Variants in MAP4K4 observed in about 807,000 individuals in gnomAD.
MAP4K4 encodes the protein HPK/GCK-like kinase HGK.
Under a neutral mutation model 189.6 loss-of-function variants are expected in MAP4K4, and 38 were observed. That is an observed-to-expected ratio of 0.20 (90% CI 0.15 to 0.26). The LOEUF is 0.26. Ranked by LOEUF, MAP4K4 falls within the 10% of genes least tolerant of loss-of-function variation. The pLI is 1.00. For synonymous variants in MAP4K4, 610 were observed against 624.3 expected, an observed-to-expected ratio of 0.98 and a Z score of 0.34; for missense variants, 1,054 against 1,726.9, an observed-to-expected ratio of 0.61 and a Z score of 6.91.
At chr2:101,698,059 T>G (rs746285480) in exon 1 of MAP4K4, 7 of 1,324,824 alleles carry the variant, frequency 5.3e-6, no homozygotes, top group South Asian at 1.2e-5. Context: ...TGTTATTTGT[T>G]TTTTGGTGGC....
intron 2 of MAP4K4, among the ~76,000 whole-genome samples, chr2:101,721,442 T>TC (rs2051909360): frequency 6.6e-6 from 1 of 151,148 alleles, no homozygotes; most frequent in African/African-American, 2.4e-5. Flanking sequence ...TTGCTTTTTT[T>TC]TTTTTTTTTT....
intron 2 of MAP4K4, among the ~76,000 whole-genome samples, chr2:101,790,290 A>C (rs139863226): frequency 4.1e-3 from 617 of 152,180 alleles, no homozygotes; most frequent in Admixed American, 6.8e-3. Context: ...TCCTGTAGCA[A>C]GTTAAGAAGG....
chr2:101,780,253 C>G (rs1334643234), intron 2 of MAP4K4, among the ~76,000 whole-genome samples: 1 of 152,154 alleles, frequency 6.6e-6, no homozygotes, highest in African/African-American at 2.4e-5. Context: ...GAATCTGAAT[C>G]CCTTTCATCC....
chr2:101,846,951 G>A (rs994152052), intron 12 of MAP4K4, among the ~76,000 whole-genome samples: 2 of 152,202 alleles, frequency 1.3e-5, no homozygotes, highest in African/African-American at 4.8e-5. Context: ...ATGGATACCA[G>A]AACTGCAGAT....
intron 2 of MAP4K4, among the ~76,000 whole-genome samples, chr2:101,707,237 G>A (rs76679097): frequency 0.015 from 2,125 of 140,468 alleles, 61 homozygotes; most frequent in African/African-American, 0.054. Flanking sequence ...TTTTGAGACA[G>A]TCTCACTGTT....
intron 3 of MAP4K4, among the ~76,000 whole-genome samples, chr2:101,822,056 A>C (rs921390416): frequency 6.6e-6 from 1 of 152,186 alleles, no homozygotes; most frequent in African/African-American, 2.4e-5. Flanking sequence ...CTCCTATAAT[A>C]ACAATGCCTT....
intron 27 of MAP4K4, among the ~76,000 whole-genome samples, chr2:101,882,071 A>T (rs2098405872): frequency 6.6e-6 from 1 of 152,226 alleles, no homozygotes; most frequent in Admixed American, 6.5e-5. Context: ...TCCTACTTTA[A>T]TAGATAGTGC....
chr2:101,829,768 C>T, intron 6 of MAP4K4, 174 bp downstream of exon 6: 1 of 550,124 alleles, frequency 1.8e-6, no homozygotes, highest in East Asian at 3.1e-5. Flanking sequence ...AGCCTCCCCA[C>T]TTCCATGTTT....
chr2:101,877,122 T>C, exon 27 of MAP4K4: 6 of 1,614,032 alleles, frequency 3.7e-6, no homozygotes, highest in Non-Finnish European at 4.2e-6. Context: ...ACTTGAGGGC[T>C]TGAATGTCTT....
intron 2 of MAP4K4, among the ~76,000 whole-genome samples, chr2:101,717,262 C>T (rs1380989247): frequency 6.6e-6 from 1 of 152,156 alleles, no homozygotes; most frequent in African/African-American, 2.4e-5. Context: ...TGTCAGCGTG[C>T]GGCCTTCTCA....
intron 2 of MAP4K4, among the ~76,000 whole-genome samples, chr2:101,786,524 A>G (rs1436386562): frequency 6.6e-6 from 1 of 152,252 alleles, no homozygotes; most frequent in Non-Finnish European, 1.5e-5. Flanking sequence ...GCTACGTGAA[A>G]TGATGTTGAT....
At chr2:101,840,435 G>A (rs2096882782) in intron 10 of MAP4K4, among the ~76,000 whole-genome samples, 1 of 152,108 alleles carries the variant, frequency 6.6e-6, no homozygotes, top group Non-Finnish European at 1.5e-5. Flanking sequence ...TGGTAGCATG[G>A]GCCACATGCA....
chr2:101,708,526 A>C (rs1184394320), intron 2 of MAP4K4, among the ~76,000 whole-genome samples: 1 of 152,210 alleles, frequency 6.6e-6, no homozygotes, highest in African/African-American at 2.4e-5. Flanking sequence ...CATGGTACGT[A>C]TTAATTACCA....
intron 12 of MAP4K4, among the ~76,000 whole-genome samples, chr2:101,845,188 T>TA (rs368024008): frequency 0.25 from 36,226 of 142,498 alleles, 5,184 homozygotes; most frequent in Non-Finnish European, 0.32. Context: ...AAAATAAAAA[T>TA]AAAAAAAAAA....
At chr2:101,883,986 A>G (rs2098446056) in intron 28 of MAP4K4, among the ~76,000 whole-genome samples, 1 of 152,214 alleles carries the variant, frequency 6.6e-6, no homozygotes. Context: ...GCTAAATGTA[A>G]TGAAACAGCT....
At chr2:101,788,460 A>G (rs888102279) in intron 2 of MAP4K4, among the ~76,000 whole-genome samples, 4 of 152,232 alleles carry the variant, frequency 2.6e-5, no homozygotes, top group Non-Finnish European at 4.4e-5. Flanking sequence ...GGGGTGATGG[A>G]CAAGGAAAGA....
At chr2:101,745,588 A>G (rs1219996959) in intron 2 of MAP4K4, among the ~76,000 whole-genome samples, 1 of 152,060 alleles carries the variant, frequency 6.6e-6, no homozygotes, top group Non-Finnish European at 1.5e-5. Flanking sequence ...TTGAAATGCC[A>G]CGGTCATACT....
intron 2 of MAP4K4, among the ~76,000 whole-genome samples, chr2:101,714,923 A>T (rs921317872): frequency 1.1e-4 from 16 of 152,218 alleles, no homozygotes; most frequent in African/African-American, 3.4e-4. Flanking sequence ...CTTTTCTTCT[A>T]TGAATCTCTC....
At chr2:101,866,709 A>G in intron 19 of MAP4K4, 130 bp downstream of exon 19, 4 of 1,158,116 alleles carry the variant, frequency 3.5e-6, no homozygotes, top group Non-Finnish European at 4.8e-6. Context: ...ATAGGTTGCT[A>G]GTGACAATAA....
Sources: allele counts gnomAD v4.1 joint callset (sites outside exome capture counted in the v4.1 genomes callset), GRCh38; gene constraint gnomAD v4.1.1; transcripts MANE v1.5; gene names NCBI Gene and HGNC (gene_info 2026-07-23, HGNC 2026-07-21).